The following DPH6 variants were observed in gnomAD, a reference collection of about 807,000 sequenced individuals.
The protein encoded by DPH6 is diphthamine biosynthesis 6.
A neutral mutation model predicts 38.2 loss-of-function variants in DPH6; 33 were observed. The ratio of observed to expected loss-of-function variants is 0.86; its 90% CI spans 0.65 to 1.15. DPH6 has a LOEUF of 1.15. DPH6 is among the 50% of genes most tolerant of loss of function. The pLI, the probability that DPH6 is intolerant of heterozygous loss-of-function variation, is 0.00. For missense variants in DPH6, 325 were observed against 320.0 expected, an observed-to-expected ratio of 1.02 and a Z score of -0.12; for synonymous variants, 108 against 103.0, an observed-to-expected ratio of 1.05 and a Z score of -0.30.
intron 5 of DPH6, among the ~76,000 whole-genome samples, chr15:35,432,222 C>A (rs11636113): frequency 0.31 from 46,339 of 151,916 alleles, 7,745 homozygotes; most frequent in African/African-American, 0.45. Context: ...AGAAAAAAAT[C>A]TATATGATGT....
intron 3 of DPH6, among the ~76,000 whole-genome samples, chr15:35,300,838 C>T (rs551553621): frequency 6.6e-6 from 1 of 152,272 alleles, no homozygotes; most frequent in East Asian, 1.9e-4. Flanking sequence ...CTTACAGGCA[C>T]ACATGGCATC....
chr15:35,175,877 C>T, the DPH6 span, among the ~76,000 whole-genome samples: 2 of 152,162 alleles, frequency 1.3e-5, no homozygotes, highest in Non-Finnish European at 2.9e-5. Context: ...AGCTTAAAGG[C>T]CATTTCGTTG....
rs186363759 is a variant in DPH6, at chr15:35,352,455, G to A, written n.207+21066C>T. ...CTACCCCCACCCCACAACAGGCCCCGGTGTGTGATGTTCCCCTTCCTGTGT... is the reference window on the plus strand; with the variant it reads ...CTACCCCCACCCCACAACAGGCCCCAGTGTGTGATGTTCCCCTTCCTGTGT... On this transcript the variant is annotated intron_variant and non_coding_transcript_variant, in intron 3 of 3. Transcript: ENST00000558973. 6.6e-4 allele frequency among the ~76,000 whole-genome samples: 100 copies of A among 151,716 alleles called. No homozygotes were observed. In the East Asian group the frequency reaches 0.015, roughly 23 times the overall value.
intron 6 of DPH6, among the ~76,000 whole-genome samples, chr15:35,398,857 T>C (rs1414017336): frequency 6.6e-6 from 1 of 151,890 alleles, no homozygotes; most frequent in African/African-American, 2.4e-5. Flanking sequence ...AGACAGACAG[T>C]TGGTGTCTGC....
intron 3 of DPH6, among the ~76,000 whole-genome samples, chr15:35,518,215 C>G (rs904027454): frequency 6.6e-6 from 1 of 151,982 alleles, no homozygotes; most frequent in African/African-American, 2.4e-5. Flanking sequence ...TGTACACACA[C>G]GTACATAAAC....
At position 35,339,773 on chromosome 15, in the gene DPH6, T is replaced by C. The variant is rs188877753; in HGVS notation, n.208-8696A>G. On this transcript the variant is annotated intron_variant and non_coding_transcript_variant, in intron 3 of 3. Coordinates refer to the DPH6 transcript ENST00000558973. ...ACTGTTTTTTATGACTTTAGTTCTT[T>C]TGAATTTGCTGAGGGGTGTTTTACT... 1.7e-3 allele frequency among the ~76,000 whole-genome samples: 263 copies of C among 152,304 alleles called. 2 individuals carry two copies. The highest frequency in any genetic ancestry group is 8.1e-4 in the Non-Finnish European group (55 of 68,022).
chr15:35,224,226 T>C (rs1271366637), intron 3 of DPH6, among the ~76,000 whole-genome samples: 4 of 150,550 alleles, frequency 2.7e-5, no homozygotes, highest in Non-Finnish European at 4.4e-5. Context: ...CCTGCCTCAG[T>C]CTCCAGAGTA....
intron 3 of DPH6, among the ~76,000 whole-genome samples, chr15:35,310,519 G>A (rs1315397342): frequency 6.6e-6 from 1 of 152,078 alleles, no homozygotes; most frequent in African/African-American, 2.4e-5. Flanking sequence ...AATTATGAAC[G>A]TGAAGAAGGG....
intron 3 of DPH6, among the ~76,000 whole-genome samples, chr15:35,271,474 G>A (rs759164436): frequency 3.3e-5 from 5 of 152,238 alleles, no homozygotes; most frequent in African/African-American, 4.8e-5. Context: ...GAATCGAGGT[G>A]CCATCTCAGG....
intron 3 of DPH6, among the ~76,000 whole-genome samples, chr15:35,312,262 C>A (rs1376176605): frequency 6.6e-6 from 1 of 152,014 alleles, no homozygotes. Flanking sequence ...ATGATTTGTA[C>A]AATTATTGAA....
At position 35,444,322 on chromosome 15, in the gene DPH6, C is replaced by G. The variant is rs79713455; in HGVS notation, c.505+6363G>C. 9.4e-3 allele frequency among the ~76,000 whole-genome samples: 1,425 copies of G among 152,216 alleles called. 22 individuals carry two copies. The highest frequency in any genetic ancestry group is 0.032 in the African/African-American group (1,345 of 41,536). On this transcript the variant is annotated intron_variant, in intron 5 of 8. Transcript: ENST00000256538. ...GATAACATAATGTCATTCCTTTATC[C>G]TTCCAATTCTAATCAGTGTAGCATG...
chr15:35,147,090 T>C, the DPH6 span, among the ~76,000 whole-genome samples: 1 of 152,220 alleles, frequency 6.6e-6, no homozygotes, highest in African/African-American at 2.4e-5. Flanking sequence ...AGCACTTACA[T>C]GGTGCTTTCT....
chr15:35,208,416 C>A, the DPH6 span, among the ~76,000 whole-genome samples: 1 of 152,184 alleles, frequency 6.6e-6, no homozygotes, highest in African/African-American at 2.4e-5. Flanking sequence ...TTCATTAAAA[C>A]CACAAGTGTC....
At chr15:35,490,099 C>A (rs993589367) in intron 3 of DPH6, 6 of 985,254 alleles carry the variant, frequency 6.1e-6, no homozygotes, top group Non-Finnish European at 7.2e-6. Flanking sequence ...CTCTTCCAGG[C>A]TCACCAGCTC....
At chr15:35,527,623 C>T (rs2055024142) in intron 3 of DPH6, among the ~76,000 whole-genome samples, 1 of 151,906 alleles carries the variant, frequency 6.6e-6, no homozygotes, top group Admixed American at 6.6e-5. Flanking sequence ...AGGAGGACAT[C>T]AGGAAAGAGA....
At chr15:35,527,371 G>T (rs528630268) in intron 3 of DPH6, among the ~76,000 whole-genome samples, 1 of 152,254 alleles carries the variant, frequency 6.6e-6, no homozygotes, top group East Asian at 1.9e-4. Flanking sequence ...CAGAGGAGTA[G>T]AGTTTAACAC....
intron 3 of DPH6, chr15:35,282,905 C>A: frequency 2.9e-6 from 1 of 341,614 alleles, no homozygotes; most frequent in East Asian, 7.2e-5. Context: ...ATAGATGTTC[C>A]TGTTGAAGAA....
intron 3 of DPH6, among the ~76,000 whole-genome samples, chr15:35,264,012 A>G (rs1240654711): frequency 6.6e-6 from 1 of 151,770 alleles, no homozygotes; most frequent in East Asian, 2.0e-4. Context: ...CGCGCCCAAC[A>G]TAGTTTATAA....
At chr15:35,174,628 C>T in the DPH6 span, among the ~76,000 whole-genome samples, 2 of 152,174 alleles carry the variant, frequency 1.3e-5, no homozygotes, top group Non-Finnish European at 2.9e-5. Flanking sequence ...TACTGAATTC[C>T]TAAACTGTGT....
Sources: allele counts gnomAD v4.1 joint callset (sites outside exome capture counted in the v4.1 genomes callset), GRCh38; gene constraint gnomAD v4.1.1; transcripts MANE v1.5; gene names NCBI Gene and HGNC (gene_info 2026-07-23, HGNC 2026-07-21).